Variants in ATL3 observed in about 807,000 individuals in gnomAD.
ATL3 encodes atlastin-3.
Under a neutral mutation model 69.5 loss-of-function variants are expected in ATL3, and 49 were observed. That is an observed-to-expected ratio of 0.71 (90% CI 0.56 to 0.89). The LOEUF is 0.89. Among genes scored for constraint, ATL3 ranks in the 40% least tolerant of loss-of-function variants. The probability of loss-of-function intolerance (pLI) is 0.00; values close to 1 mark genes in which losing one functional copy is unlikely to be tolerated. For synonymous variants in ATL3, 214 were observed against 224.1 expected (o/e 0.95, Z 0.40); for missense variants, 606 against 645.7 (o/e 0.94, Z 0.67).
At chr11:63,671,217 T>C in intron 1 of ATL3, 73 bp downstream of exon 1, 2 of 1,443,538 alleles carry the variant, frequency 1.4e-6, no homozygotes, top group Non-Finnish European at 1.8e-6. Context: ...CGGGCGGGGG[T>C]TCTTTTCAGA....
chr11:63,631,907 G>A (rs539582134), intron 11 of ATL3, among the ~76,000 whole-genome samples: 11 of 152,116 alleles, frequency 7.2e-5, no homozygotes, highest in East Asian at 3.9e-4. Context: ...GCTTGAACCC[G>A]GGAGGCGGAG....
At chr11:63,646,210 C>A (rs1032295521) in intron 6 of ATL3, among the ~76,000 whole-genome samples, 1 of 152,084 alleles carries the variant, frequency 6.6e-6, no homozygotes, top group Non-Finnish European at 1.5e-5. Flanking sequence ...ACTTTTTAAG[C>A]GATTACTCTG....
Position 63,629,152 on chromosome 11 carries a change from T to C in ATL3, c.*167A>G. On this transcript the variant is annotated 3_prime_UTR_variant, in exon 13 of 13. Coordinates refer to ENST00000398868, the MANE Select transcript of ATL3 (RefSeq NM_015459.5). ...AGAGAAATGGAAGTGTGTTTAATAA[T>C]TTGAAACCACAGGAGAGGTCTGCTC... is the stretch of plus-strand genomic sequence containing the variant. 1 of 589,998 alleles carries C rather than the reference T, an allele frequency of 1.7e-6. No homozygotes were observed. The highest frequency in any genetic ancestry group is 3.1e-6 in the Non-Finnish European group (1 of 325,830). 36.5% of individuals were successfully genotyped at this position (589,998 alleles called of 1,614,324 possible).
At chr11:63,657,145 G>C (rs185836752) in intron 3 of ATL3, among the ~76,000 whole-genome samples, 2 of 148,024 alleles carry the variant, frequency 1.4e-5, no homozygotes, top group East Asian at 4.0e-4. Flanking sequence ...GGGAGGCGGA[G>C]ACTGTAGTGA....
chr11:63,652,338 T>C (rs1055936115), intron 4 of ATL3, 133 bp downstream of exon 4: 2 of 600,648 alleles, frequency 3.3e-6, no homozygotes, highest in Non-Finnish European at 5.2e-6. Context: ...AAAGTTTAAC[T>C]GCATCTACAG....
intron 1 of ATL3, among the ~76,000 whole-genome samples, chr11:63,664,628 GT>G (rs917256853): frequency 4.0e-4 from 56 of 140,970 alleles, no homozygotes; most frequent in Admixed American, 4.9e-4. Context: ...TTGTTTTTTT[GT>G]TTTTTTTTTT....
At chr11:63,652,706 T>C in intron 3 of ATL3, 131 bp from the exon 4 acceptor site, 1 of 548,052 alleles carries the variant, frequency 1.8e-6, no homozygotes, top group Non-Finnish European at 3.2e-6. Flanking sequence ...AGCACCTGCT[T>C]GTAGGTTCTG....
rs752213618 is a variant in ATL3, at chr11:63,646,575, A to C, written c.562-12T>G. On this transcript the variant is annotated splice_polypyrimidine_tract_variant and intron_variant, in intron 5 of 12. Transcript: ENST00000398868. ...TATTCTGTGAAGAGCTTTAAAAAAG[A>C]AGCATTATGGTTTGTAAAGCAAAAT... The C allele has an allele frequency of 2.5e-5, 40 of 1,592,496 alleles. No individual in the cohort carries two copies. The highest frequency in any genetic ancestry group is 1.8e-4 in the Middle Eastern group (1 of 5,528).
At chr11:63,630,919 A>G (rs1939291609) in intron 12 of ATL3, 121 bp downstream of exon 12, 1 of 836,294 alleles carries the variant, frequency 1.2e-6, no homozygotes, top group South Asian at 1.8e-5. Flanking sequence ...AACAACAGCC[A>G]ACGGAGTGGC....
intron 4 of ATL3, 27 bp downstream of exon 4, chr11:63,652,444 C>CT (rs772744389): frequency 1.6e-5 from 22 of 1,418,108 alleles, no homozygotes; most frequent in Non-Finnish European, 2.0e-5. Context: ...CCTTTGCGAG[C>CT]TTTTTTCTGA....
At chr11:63,668,001 A>G (rs1940631270) in intron 1 of ATL3, among the ~76,000 whole-genome samples, 1 of 152,132 alleles carries the variant, frequency 6.6e-6, no homozygotes, top group Admixed American at 6.6e-5. Flanking sequence ...AAGAGGCAAT[A>G]TTACCATAGG....
At chr11:63,671,055 G>A (rs752831150) in intron 1 of ATL3, among the ~76,000 whole-genome samples, 2 of 152,154 alleles carry the variant, frequency 1.3e-5, no homozygotes, top group African/African-American at 2.4e-5. Flanking sequence ...GAGCCCTGAC[G>A]GCGGCCGCCC....
Position 63,637,024 on chromosome 11 carries a change from A to T in ATL3, c.851-690T>A, listed in dbSNP as rs569602394. On this transcript the variant is annotated intron_variant, in intron 8 of 12. Transcript: ENST00000398868. Reference sequence around the variant, plus strand: ...CCGTGCGTGGTGGCTCACGCCTGTAATCCCAGCACTTTGGGAGGTCAAGGC... The same window carrying T: ...CCGTGCGTGGTGGCTCACGCCTGTATTCCCAGCACTTTGGGAGGTCAAGGC... Among the ~76,000 whole-genome samples, 10 of 152,290 alleles carry T rather than the reference A, an allele frequency of 6.6e-5. No individual in the cohort carries two copies. In the East Asian group the frequency reaches 1.9e-3, roughly 29 times the overall value.
intron 1 of ATL3, chr11:63,670,306 T>C (rs564710528): frequency 3.3e-5 from 5 of 152,180 alleles, no homozygotes; most frequent in African/African-American, 7.2e-5. Context: ...TAGTACTCCG[T>C]AGGTTATGCT....
intron 8 of ATL3, among the ~76,000 whole-genome samples, chr11:63,636,865 T>TACTA (rs1349692839): frequency 1.3e-5 from 2 of 152,242 alleles, no homozygotes; most frequent in African/African-American, 4.8e-5. Context: ...CCTTCCCCAC[T>TACTA]GTAGTAGAAA....
chr11:63,631,753 G>T (rs530437823), intron 11 of ATL3, among the ~76,000 whole-genome samples: 6 of 152,250 alleles, frequency 3.9e-5, no homozygotes, highest in African/African-American at 1.4e-4. Flanking sequence ...AGGCCAGGGC[G>T]GGCAGATCAC....
Position 63,652,585 on chromosome 11 carries a change from A to AG in ATL3, c.406-11dup. The AG allele has an allele frequency of 6.3e-7, 1 of 1,584,634 alleles. No individual in the cohort carries two copies. The highest frequency in any genetic ancestry group is 8.6e-7 in the Non-Finnish European group (1 of 1,159,916). On this transcript the variant is annotated splice_polypyrimidine_tract_variant and intron_variant, in intron 3 of 12. Coordinates refer to ENST00000398868, the MANE Select transcript of ATL3 (RefSeq NM_015459.5). ...TCAGAACAACTGCAACCTAAAAAAA[A>AG]GGAAAATACAAACAAAAGAGATTAA...
At chr11:63,629,434 A>C (rs2134457845) in intron 12 of ATL3, 29 bp from the exon 13 acceptor site, 1 of 1,578,294 alleles carries the variant, frequency 6.3e-7, no homozygotes, top group Non-Finnish European at 8.7e-7. Flanking sequence ...TCAACATATA[A>C]GTTAATAAAA....
chr11:63,655,308 G>T (rs968129289), intron 3 of ATL3, among the ~76,000 whole-genome samples: 2 of 151,918 alleles, frequency 1.3e-5, no homozygotes, highest in Admixed American at 1.3e-4. Flanking sequence ...GCGCCACCAC[G>T]CCCAGCTAAT....
Sources: allele counts gnomAD v4.1 joint callset (sites outside exome capture counted in the v4.1 genomes callset), GRCh38; gene constraint gnomAD v4.1.1; transcripts MANE v1.5; gene names NCBI Gene and HGNC (gene_info 2026-07-23, HGNC 2026-07-21).